Variants in RYR2 observed in about 807,000 individuals in gnomAD.
RYR2 encodes cardiac muscle ryanodine receptor-calcium release channel.
In RYR2, 227 loss-of-function variants were observed where a neutral mutation model predicts 601.1. That is an observed-to-expected ratio of 0.38 (90% CI 0.34 to 0.42). The LOEUF (loss-of-function observed/expected upper bound fraction) is 0.42, where lower values mean the gene tolerates loss of function less well. Ranked by LOEUF, RYR2 falls within the 10% of genes least tolerant of loss-of-function variation. The pLI is 1.00. For synonymous variants in RYR2, 2,223 were observed against 2,175.1 expected (o/e 1.02, Z -0.61); for missense variants, 4,646 against 6,156.5 (o/e 0.75, Z 8.21).
At chr1:237,336,700 T>C (rs1697266000) in intron 3 of RYR2, among the ~76,000 whole-genome samples, 3 of 149,522 alleles carry the variant, frequency 2.0e-5, no homozygotes, top group Non-Finnish European at 4.5e-5. Flanking sequence ...TTATGAAAAA[T>C]ACAAAAATTA....
chr1:237,693,407 T>C (rs1687122210), intron 63 of RYR2, among the ~76,000 whole-genome samples: 1 of 152,186 alleles, frequency 6.6e-6, no homozygotes, highest in Non-Finnish European at 1.5e-5. Flanking sequence ...CTTTTCTACT[T>C]TCCAGTTTTC....
At chr1:237,465,595 C>T (rs897023123) in intron 16 of RYR2, among the ~76,000 whole-genome samples, 6 of 151,262 alleles carry the variant, frequency 4.0e-5, no homozygotes, top group Admixed American at 3.3e-4. Flanking sequence ...TGCACAGCTA[C>T]GCTATAGGGG....
rs1664868283 is a variant in RYR2 at position 237,503,384 on chromosome 1, A to G, written c.2492A>G (p.Lys831Arg). 4 of 1,613,830 alleles carry G rather than the reference A, an allele frequency of 2.5e-6. 1 individual carries two copies. The South Asian group carries it at 4.4e-5, about 18-fold the overall frequency. ...PCYEAVLPKE[K>R]LKVEHSREYK... ...TATGAAGCTGTTCTGCCAAAAGAAA[A>G]GTTGAAAGTGGAACACAGCCGAGAG... Residue 831 changes from lysine (K) to arginine (R), a missense_variant, in exon 22 of 105, where the codon AAG (lysine) becomes AGG (arginine). Transcript: ENST00000366574.
intron 1 of RYR2, among the ~76,000 whole-genome samples, chr1:237,154,279 A>C (rs1405502115): frequency 6.6e-6 from 1 of 152,214 alleles, no homozygotes; most frequent in Non-Finnish European, 1.5e-5. Context: ...TTATGATGAC[A>C]CAAATAAGAG....
chr1:237,664,886 A>T (rs968839955), intron 56 of RYR2, among the ~76,000 whole-genome samples: 3 of 152,182 alleles, frequency 2.0e-5, no homozygotes, highest in African/African-American at 7.2e-5. Flanking sequence ...TATGACTCCC[A>T]AATATGTTCA....
chr1:237,388,509 A>G (rs974687037), intron 10 of RYR2, among the ~76,000 whole-genome samples: 3 of 152,136 alleles, frequency 2.0e-5, no homozygotes, highest in Non-Finnish European at 4.4e-5. Flanking sequence ...GTTTTGATTA[A>G]TTTTCTTTTT....
chr1:237,715,071 C>T (rs1350465647), intron 71 of RYR2, among the ~76,000 whole-genome samples: 2 of 149,838 alleles, frequency 1.3e-5, no homozygotes, highest in Non-Finnish European at 3.0e-5. Flanking sequence ...GTCCACTTCC[C>T]TTCTTAAATA....
rs148752053 is a variant in RYR2 at position 237,670,733 on chromosome 1, G to A, written c.8590+2775G>A. 2.1e-4 allele frequency among the ~76,000 whole-genome samples: 32 copies of A among 152,246 alleles called. No individual in the cohort carries two copies. The East Asian group carries it at 5.4e-3, about 26-fold the overall frequency. On this transcript the variant is annotated intron_variant, in intron 58 of 104. Coordinates refer to ENST00000366574, the MANE Select transcript of RYR2 (RefSeq NM_001035.3). ...ATCCAAAATGTTTGGAACCAAAACT[G>A]TTTGAAAGTTGAGATTTTTTTCTGA...
chr1:237,501,123 T>A (rs1015943756), intron 21 of RYR2, among the ~76,000 whole-genome samples: 1 of 151,830 alleles, frequency 6.6e-6, no homozygotes, highest in Non-Finnish European at 1.5e-5. Context: ...CCACAGTGTT[T>A]AGATGTGGGC....
At chr1:237,792,398 C>CGTAT (rs1658544309) in intron 94 of RYR2, 75 bp downstream of exon 94, 5 of 489,878 alleles carry the variant, frequency 1.0e-5, no homozygotes, top group South Asian at 9.4e-5. Context: ...TGTGTGTGTG[C>CGTAT]GTGTGTGTGT....
intron 1 of RYR2, among the ~76,000 whole-genome samples, chr1:237,193,384 C>T (rs1236807275): frequency 1.3e-5 from 2 of 152,020 alleles, no homozygotes; most frequent in South Asian, 2.1e-4. Flanking sequence ...GGCGTGAACC[C>T]GGGAGGTGGA....
intron 1 of RYR2, among the ~76,000 whole-genome samples, chr1:237,067,493 G>A (rs953976932): frequency 6.6e-6 from 1 of 152,150 alleles, no homozygotes; most frequent in African/African-American, 2.4e-5. Context: ...ATTCGTCTAT[G>A]TGTCTAGCTG....
At chr1:237,693,453 G>A (rs1687124309) in intron 63 of RYR2, among the ~76,000 whole-genome samples, 1 of 152,082 alleles carries the variant, frequency 6.6e-6, no homozygotes, top group South Asian at 2.1e-4. Flanking sequence ...GACATTGAAT[G>A]ACCTGGACAC....
chr1:237,563,663 C>T (rs2779395), intron 27 of RYR2, among the ~76,000 whole-genome samples: 79,687 of 151,708 alleles, frequency 0.53, 22,985 homozygotes, highest in Admixed American at 0.66. Context: ...CCCCTATTTT[C>T]ATTCCCTATA....
At chr1:237,262,260 T>TTTTTTTTC (rs1382406813) in intron 1 of RYR2, among the ~76,000 whole-genome samples, 2 of 138,688 alleles carry the variant, frequency 1.4e-5, no homozygotes, top group African/African-American at 5.3e-5. Context: ...TTTTTTTTTT[T>TTTTTTTTC]TTTTTTTTTT....
chr1:237,179,483 G>A (rs1441726901), intron 1 of RYR2, among the ~76,000 whole-genome samples: 1 of 151,930 alleles, frequency 6.6e-6, no homozygotes, highest in East Asian at 1.9e-4. Flanking sequence ...TAGAAATGGG[G>A]AGGGAGAAGG....
intron 1 of RYR2, chr1:237,120,695 G>A (rs1262374171): frequency 6.6e-6 from 1 of 152,244 alleles, no homozygotes. Context: ...TGTGCTTTGT[G>A]GGGCTTTGTA....
intron 28 of RYR2, among the ~76,000 whole-genome samples, chr1:237,567,822 A>C (rs1484618551): frequency 6.6e-6 from 1 of 152,132 alleles, no homozygotes; most frequent in African/African-American, 2.4e-5. Context: ...TGACGTTTGG[A>C]TATTTCTTGG....
intron 14 of RYR2, among the ~76,000 whole-genome samples, chr1:237,453,859 T>C (rs1221906332): frequency 6.6e-6 from 1 of 152,210 alleles, no homozygotes; most frequent in African/African-American, 2.4e-5. Flanking sequence ...TAAATGCATT[T>C]CTTTCAGATA....
Sources: gnomAD v4.1 joint callset for allele counts (sites outside exome capture counted in the v4.1 genomes callset) on GRCh38, gnomAD v4.1.1 for gene constraint, MANE v1.5 for transcripts, NCBI Gene and HGNC (gene_info 2026-07-23, HGNC 2026-07-21) for gene names.